The following WDPCP variants were observed in gnomAD, a reference collection of about 807,000 sequenced individuals.
The protein encoded by WDPCP is WD repeat containing planar cell polarity effector, also known as WD repeat-containing and planar cell polarity effector protein fritz homolog.
In WDPCP, 71 loss-of-function variants were observed where a neutral mutation model predicts 93.1. The observed-to-expected ratio is 0.76, with a 90% CI of 0.63 to 0.93. The LOEUF is 0.93. WDPCP is among the 40% of genes least tolerant of loss of function. The probability of loss-of-function intolerance (pLI) is 0.00; values close to 1 mark genes in which losing one functional copy is unlikely to be tolerated. For synonymous variants in WDPCP, 315 were observed against 315.0 expected (o/e 1.00, Z 0.00); for missense variants, 844 against 887.4 (o/e 0.95, Z 0.62).
At chr2:63,310,150 A>C (rs1022501419) in intron 13 of WDPCP, among the ~76,000 whole-genome samples, 1 of 152,208 alleles carries the variant, frequency 6.6e-6, no homozygotes, top group Non-Finnish European at 1.5e-5. Flanking sequence ...CAGGCACTTC[A>C]TATATATTAT....
intron 2 of WDPCP, among the ~76,000 whole-genome samples, chr2:63,781,517 A>G (rs181462085): frequency 3.5e-4 from 54 of 152,236 alleles, no homozygotes; most frequent in Admixed American, 3.5e-3. Context: ...TTGAGTGCTT[A>G]CCCTAGGCAC....
At chr2:63,367,955 CACAA>C (rs1285929535) in intron 12 of WDPCP, among the ~76,000 whole-genome samples, 1 of 152,128 alleles carries the variant, frequency 6.6e-6, no homozygotes, top group Non-Finnish European at 1.5e-5. Context: ...TGCTGAGGCC[CACAA>C]ACAATGTGAT....
At chr2:63,153,101 A>G (rs1574741291) in intron 16 of WDPCP, 156 bp from the exon 17 acceptor site, 1 of 648,554 alleles carries the variant, frequency 1.5e-6, no homozygotes, top group Admixed American at 2.9e-5. Context: ...TTAACATAGT[A>G]TGAAAGTGCC....
intron 1 of WDPCP, among the ~76,000 whole-genome samples, chr2:63,551,959 CTTT>C (rs36189794): frequency 2.5e-5 from 3 of 122,298 alleles, no homozygotes; most frequent in Non-Finnish European, 3.4e-5. Context: ...CTTTCATTTT[CTTT>C]TTTTTTTTTT....
chr2:63,583,498 T>C lies in WDPCP; in HGVS notation c.75+4699A>G, dbSNP rs559048139. On this transcript the variant is annotated intron_variant, in intron 1 of 17. Coordinates refer to ENST00000272321, the MANE Select transcript of WDPCP (RefSeq NM_015910.7). ...AGAGATCGAGATCATCTGACCAACA[T>C]GGTGAAAACCCATCTCCAATAAAAA... Among the ~76,000 whole-genome samples, 23 of 152,022 alleles carry C rather than the reference T, an allele frequency of 1.5e-4. 1 individual carries two copies. In the East Asian group the frequency reaches 3.5e-3, roughly 23 times the overall value.
At chr2:63,165,189 T>G (rs1365461397) in intron 15 of WDPCP, among the ~76,000 whole-genome samples, 1 of 152,180 alleles carries the variant, frequency 6.6e-6, no homozygotes, top group African/African-American at 2.4e-5. Context: ...AATATATTGT[T>G]TTTCTTACGT....
intron 2 of WDPCP, among the ~76,000 whole-genome samples, chr2:63,744,960 G>A (rs965679539): frequency 2.6e-5 from 4 of 151,974 alleles, no homozygotes; most frequent in Non-Finnish European, 5.9e-5. Context: ...ATTCCCATAA[G>A]CCTAACACAA....
intron 2 of WDPCP, among the ~76,000 whole-genome samples, chr2:63,714,749 A>G (rs1669310458): frequency 1.3e-5 from 2 of 152,174 alleles, no homozygotes; most frequent in Non-Finnish European, 2.9e-5. Context: ...GAATCCCTTG[A>G]ACCCAGGAGG....
At position 63,381,836 on chromosome 2, in the gene WDPCP, A is replaced by G. The variant is rs554896488; in HGVS notation, c.1624+70T>C. On this transcript the variant is annotated intron_variant, in intron 11 of 17. Transcript: ENST00000272321. The stretch of plus-strand genomic sequence containing the variant: ...ATACCATGACTCAAAAACAACCTCA[A>G]AAAATAACTCAATAAAATCTATTTC... 13 of 1,549,094 alleles carry G rather than the reference A, an allele frequency of 8.4e-6. No homozygotes were observed. In the South Asian group the frequency reaches 1.3e-4, roughly 15 times the overall value.
In WDPCP at chr2:63,319,535, T is replaced by C. The variant is rs371623230; in HGVS notation, c.1749-6224A>G. On this transcript the variant is annotated intron_variant, in intron 12 of 17. Transcript: ENST00000272321. ...CAACATAATTACAAAGTTATATTTA[T>C]TGGATACACAGAACTTAAATCAGAG... 2.2e-4 allele frequency among the ~76,000 whole-genome samples: 34 copies of C among 152,338 alleles called. 1 individual carries two copies. The South Asian group carries it at 6.8e-3, about 31-fold the overall frequency.
At chr2:63,139,739 A>T (rs572344747) in intron 17 of WDPCP, among the ~76,000 whole-genome samples, 3 of 152,224 alleles carry the variant, frequency 2.0e-5, no homozygotes, top group Admixed American at 6.5e-5. Context: ...TAGATTGTGA[A>T]GATTTTCTCC....
At chr2:63,335,184 T>G (rs1375359565) in intron 12 of WDPCP, among the ~76,000 whole-genome samples, 2 of 152,208 alleles carry the variant, frequency 1.3e-5, no homozygotes, top group Non-Finnish European at 2.9e-5. Context: ...TATCTACCCA[T>G]GCCCTTTTAA....
At chr2:63,591,072 A>G (rs375409204), upstream of WDPCP, 10 of 152,262 alleles carry the variant, frequency 6.6e-5, no homozygotes, top group East Asian at 1.2e-3. Context: ...AATAACAGAC[A>G]CTTAAATTCA....
chr2:63,575,389 G>GTATACAGTGTATATACAGTGTATACACT (rs1558831597), intron 1 of WDPCP, among the ~76,000 whole-genome samples: 1 of 24,918 alleles, frequency 4.0e-5, no homozygotes, highest in Non-Finnish European at 9.5e-5. Flanking sequence ...GTATATACAC[G>GTATACAGTGTATATACAGTGTATACACT]GTATATACAG....
At chr2:63,283,262 C>G (rs1411026997) in intron 13 of WDPCP, among the ~76,000 whole-genome samples, 12 of 152,144 alleles carry the variant, frequency 7.9e-5, no homozygotes, top group Admixed American at 7.9e-4. Context: ...AGGCTGGCCT[C>G]AAAGGCCTGG....
intron 14 of WDPCP, among the ~76,000 whole-genome samples, chr2:63,180,765 C>T (rs572489023): frequency 2.0e-5 from 3 of 152,234 alleles, no homozygotes; most frequent in African/African-American, 7.2e-5. Flanking sequence ...ATACGGTTTT[C>T]CATACAGGTT....
intron 14 of WDPCP, among the ~76,000 whole-genome samples, chr2:63,209,632 G>C (rs1211503982): frequency 1.3e-5 from 2 of 152,156 alleles, no homozygotes; most frequent in African/African-American, 2.4e-5. Context: ...ATGGATATTG[G>C]TGTTCATTAT....
At chr2:63,627,224 C>A (rs750445873) in intron 3 of WDPCP, among the ~76,000 whole-genome samples, 7 of 152,132 alleles carry the variant, frequency 4.6e-5, no homozygotes, top group Admixed American at 4.6e-4. Context: ...TATTGTCAAC[C>A]TCCCCCAAGA....
chr2:63,356,253 C>A (rs1299645697), intron 12 of WDPCP, among the ~76,000 whole-genome samples: 1 of 152,174 alleles, frequency 6.6e-6, no homozygotes, highest in East Asian at 1.9e-4. Context: ...ATGACCCCAA[C>A]ACAGGAGCCT....
Sources: allele counts gnomAD v4.1 joint callset (sites outside exome capture counted in the v4.1 genomes callset), GRCh38; gene constraint gnomAD v4.1.1; transcripts MANE v1.5; gene names NCBI Gene and HGNC (gene_info 2026-07-23, HGNC 2026-07-21).